Variants in AIF1L observed in about 807,000 individuals in gnomAD.
AIF1L encodes the protein allograft inflammatory factor 1 like.
In AIF1L, 12 loss-of-function variants were observed where a neutral mutation model predicts 20.7. That is an observed-to-expected ratio of 0.58 (90% CI 0.37 to 0.94). The LOEUF is 0.94. AIF1L is among the 40% of genes least tolerant of loss of function. The pLI is 0.01. For missense variants in AIF1L, 173 were observed against 185.3 expected (o/e 0.93, Z 0.39); for synonymous variants, 76 against 65.1 (o/e 1.17, Z -0.81).
chr9:131,103,072 G>A, intron 2 of AIF1L: 1 of 446,824 alleles, frequency 2.2e-6, no homozygotes, highest in East Asian at 7.0e-5. Flanking sequence ...GGGGCTGCCA[G>A]CTTCTGATGG....
In AIF1L at chr9:131,120,405, C is replaced by G. The variant is rs1227701497; in HGVS notation, c.*83C>G. ...CCCTTCTTGACACACTGTGATCTCT[C>G]TCTCTCTCATTTGTTTGGTCATTGA... On this transcript the variant is annotated 3_prime_UTR_variant, in exon 6 of 6. Transcript: ENST00000247291. The G allele has an allele frequency of 2.7e-6, 3 of 1,116,924 alleles. No homozygotes were observed. The highest frequency in any genetic ancestry group is 3.8e-6 in the Non-Finnish European group (3 of 780,878). 69.2% of individuals were successfully genotyped at this position (1,116,924 alleles called of 1,614,324 possible).
At position 131,117,865 on chromosome 9, in the gene AIF1L, C is replaced by A. The variant is rs1233779568; in HGVS notation, c.312C>A (p.Ser104=). 16 of 1,613,740 alleles carry A rather than the reference C, an allele frequency of 9.9e-6. No individual in the cohort carries two copies. The highest frequency in any genetic ancestry group is 1.0e-5 in the Non-Finnish European group (12 of 1,179,862). The change falls in exon 5 of 6, where the codon TCC becomes TCA. Residue 104 remains serine, a synonymous_variant. Transcript: ENST00000247291. The part of the protein sequence containing the change: ...EVTGGVSDTI[S]YRDFVNMMLG... ...CAGGAGGGGTCAGTGACACTATATC[C>A]TACCGAGACTTTGTGAACATGATGC...
chr9:131,113,497 CAAAAAAAAAAAAAA>C (rs3057292), intron 3 of AIF1L, among the ~76,000 whole-genome samples: 1 of 49,332 alleles, frequency 2.0e-5, no homozygotes, highest in Non-Finnish European at 3.7e-5. Context: ...GACTCCATCT[CAAAAAAAAAAAAAA>C]AAAAAAAAAG....
chr9:131,102,757 C>T, intron 2 of AIF1L: 1 of 372,012 alleles, frequency 2.7e-6, no homozygotes, highest in Non-Finnish European at 5.4e-6. Flanking sequence ...CAGGTGCCAG[C>T]ACCACTTGTG....
In AIF1L at chr9:131,096,879, A is replaced by G. The variant is rs761640405; in HGVS notation, c.93+16A>G. 31 of 1,526,064 alleles carry G rather than the reference A, an allele frequency of 2.0e-5. No individual in the cohort carries two copies. The Middle Eastern group carries it at 5.4e-4, about 26-fold the overall frequency. 94.5% of individuals were successfully genotyped at this position (1,526,064 alleles called of 1,614,324 possible). A position where few individuals can be genotyped will look rare whatever the true frequency, so the allele number is the denominator to read the frequency against. ...GATCAACCGGGTAAGCCCCGCGCCC[A>G]GGGCAGCACGCGAGTCCCGAGCCGC... On this transcript the variant is annotated intron_variant, in intron 2 of 5. Transcript: ENST00000247291.
chr9:131,117,683 G>A (rs1379957866), intron 4 of AIF1L, 73 bp from the exon 5 acceptor site: 2 of 1,489,608 alleles, frequency 1.3e-6, no homozygotes, highest in Non-Finnish European at 1.8e-6. Context: ...GTGCCTGAGT[G>A]GAGCTTTCCC....
rs527253250 is a variant in AIF1L at position 131,107,742 on chromosome 9, G to A, written c.94-3855G>A. 3.3e-5 allele frequency among the ~76,000 whole-genome samples: 5 copies of A among 152,286 alleles called. No individual in the cohort carries two copies. In the East Asian group the frequency reaches 7.7e-4, roughly 23 times the overall value. On this transcript the variant is annotated intron_variant, in intron 2 of 5. Transcript: ENST00000247291. ...GTATATTAGTGCGCCCCTCTGCCCCGCCTTTAAAAATGTTTCATGTCTGCG... is the reference window on the plus strand; with the variant it reads ...GTATATTAGTGCGCCCCTCTGCCCCACCTTTAAAAATGTTTCATGTCTGCG...
intron 4 of AIF1L, among the ~76,000 whole-genome samples, chr9:131,117,103 C>G (rs1831031845): frequency 1.3e-5 from 2 of 152,160 alleles, no homozygotes; most frequent in African/African-American, 4.8e-5. Flanking sequence ...GCTGGAGTGA[C>G]ATTCTGGGGC....
chr9:131,107,595 T>C (rs889954003), intron 2 of AIF1L, among the ~76,000 whole-genome samples: 6 of 152,256 alleles, frequency 3.9e-5, no homozygotes, highest in East Asian at 1.9e-4. Context: ...ATGGATTCCA[T>C]TTAAACATTC....
chr9:131,103,741 A>G (rs1382935819), intron 2 of AIF1L, among the ~76,000 whole-genome samples: 2 of 152,220 alleles, frequency 1.3e-5, no homozygotes, highest in African/African-American at 2.4e-5. Context: ...AGCCCACTTT[A>G]TAGATGAAGA....
Position 131,117,933 on chromosome 9 carries a change from C to T in AIF1L, c.365+15C>T, listed in dbSNP as rs766987529. 1.3e-6 allele frequency: 2 copies of T among 1,599,674 alleles called. No individual in the cohort carries two copies. Among genetic ancestry groups the T allele is most frequent in the Admixed American group, 3.4e-5 (2 of 58,606 alleles). ...GTCCTCAAGTTGTGAGTACCTCCTT[C>T]CTCCCTTGGGATCTCTGAAGGCAAA... On this transcript the variant is annotated intron_variant, in intron 5 of 5. Transcript: ENST00000247291.
chr9:131,117,053 C>A (rs920642908), intron 4 of AIF1L, among the ~76,000 whole-genome samples: 19 of 152,234 alleles, frequency 1.2e-4, no homozygotes, highest in African/African-American at 4.6e-4. Context: ...TGCCTCAGAT[C>A]TTGGTGGGAG....
chr9:131,102,834 C>G, intron 2 of AIF1L: 3 of 455,408 alleles, frequency 6.6e-6, no homozygotes, highest in Non-Finnish European at 1.3e-5. Context: ...CATGGTGCTT[C>G]CTGTCCTTGG....
In AIF1L at chr9:131,122,122, A is replaced by G. The variant is rs1831151998; in HGVS notation, c.*1800A>G. On this transcript the variant is annotated 3_prime_UTR_variant, in exon 6 of 6. Transcript: ENST00000247291. Reference sequence around the variant, plus strand: ...CTTCCCTGCAGTCCTGGGGGCCTAGATGGGCCCAAGACTGGGTGAGAGTCT... The same window carrying G: ...CTTCCCTGCAGTCCTGGGGGCCTAGGTGGGCCCAAGACTGGGTGAGAGTCT... The G allele has an allele frequency of 6.6e-6, 1 of 152,184 alleles. No homozygotes were observed. Among genetic ancestry groups the G allele is most frequent in the Non-Finnish European group, 1.5e-5 (1 of 68,032 alleles). The allele number at this position is 152,184 out of a possible 1,614,324, so 9.4% of individuals were successfully genotyped here.
chr9:131,105,029 T>G (rs1830715941), intron 2 of AIF1L, among the ~76,000 whole-genome samples: 1 of 152,060 alleles, frequency 6.6e-6, no homozygotes, highest in Non-Finnish European at 1.5e-5. Flanking sequence ...CTCTGTCTCC[T>G]CTGCCTATGG....
rs77361767 is a variant in AIF1L, at chr9:131,097,261, C to T, written c.93+398C>T. On this transcript the variant is annotated intron_variant, in intron 2 of 5. Transcript: ENST00000247291. ...TCCGGGTCATTTGCTGGTCTGTCGC[C>T]CAGGCTGGAGTTCGGTGGCCCAATC... is the stretch of plus-strand genomic sequence containing the variant. Among the ~76,000 whole-genome samples, 44 of 152,342 alleles carry T rather than the reference C, an allele frequency of 2.9e-4. No individual in the cohort carries two copies. In the East Asian group the frequency reaches 7.9e-3, roughly 27 times the overall value.
chr9:131,111,209 T>C (rs978414688), intron 2 of AIF1L, among the ~76,000 whole-genome samples: 3 of 146,532 alleles, frequency 2.0e-5, no homozygotes, highest in African/African-American at 7.6e-5. Flanking sequence ...GAGGAATGAA[T>C]GAGCTCAGGA....
chr9:131,111,988 C>A, intron 3 of AIF1L: 1 of 354,528 alleles, frequency 2.8e-6, no homozygotes. Flanking sequence ...TCCCGGGCCC[C>A]GCACACAATC....
chr9:131,110,503 T>C (rs1156934576), intron 2 of AIF1L, among the ~76,000 whole-genome samples: 4 of 144,834 alleles, frequency 2.8e-5, no homozygotes, highest in Non-Finnish European at 4.5e-5. Flanking sequence ...CTTTTTTCTT[T>C]TCTTTTTTTT....
Sources: gnomAD v4.1 joint callset for allele counts (sites outside exome capture counted in the v4.1 genomes callset) on GRCh38, gnomAD v4.1.1 for gene constraint, MANE v1.5 for transcripts, NCBI Gene and HGNC (gene_info 2026-07-23, HGNC 2026-07-21) for gene names.